The following MYO10 variants were observed in gnomAD, a reference collection of about 807,000 sequenced individuals.
The protein encoded by MYO10 is unconventional myosin-X.
MYO10 carries 133 observed loss-of-function variants against 257.3 expected under a neutral mutation model. That is an observed-to-expected ratio of 0.52 (90% CI 0.45 to 0.60). MYO10 has a LOEUF of 0.60. MYO10 is among the 20% of genes least tolerant of loss of function. The pLI is 0.00. For missense variants in MYO10, 2,399 were observed against 2,635.7 expected (o/e 0.91, Z 1.97); for synonymous variants, 1,104 against 1,028.6 (o/e 1.07, Z -1.40).
At chr5:16,673,479 G>A (rs1736568524) in intron 36 of MYO10, among the ~76,000 whole-genome samples, 1 of 152,086 alleles carries the variant, frequency 6.6e-6, no homozygotes, top group Non-Finnish European at 1.5e-5. Context: ...CTTTATCTCT[G>A]TGTTTCCACT....
At chr5:16,711,055 G>GC (rs746698595) in intron 20 of MYO10, 33 bp from the exon 21 acceptor site, 4 of 1,613,098 alleles carry the variant, frequency 2.5e-6, no homozygotes, top group Non-Finnish European at 2.5e-6. Context: ...GTCACCTTCT[G>GC]CGATGGTTCC....
chr5:16,900,744 G>GTTT (rs374195788), intron 1 of MYO10, among the ~76,000 whole-genome samples: 2 of 132,748 alleles, frequency 1.5e-5, no homozygotes, highest in Non-Finnish European at 1.6e-5. Context: ...CCTAAATCTT[G>GTTT]TTTTTTTTTT....
intron 26 of MYO10, among the ~76,000 whole-genome samples, chr5:16,697,166 C>G (rs1305141616): frequency 6.6e-6 from 1 of 152,014 alleles, no homozygotes; most frequent in Non-Finnish European, 1.5e-5. Flanking sequence ...GTTTCATGAG[C>G]ACTGTGGGGC....
intron 26 of MYO10, among the ~76,000 whole-genome samples, chr5:16,695,507 G>A (rs1394277583): frequency 1.3e-5 from 2 of 150,998 alleles, no homozygotes; most frequent in Non-Finnish European, 2.9e-5. Flanking sequence ...ATGGTTTACA[G>A]GTATAAGACT....
intron 28 of MYO10, among the ~76,000 whole-genome samples, chr5:16,688,012 G>C (rs1162614582): frequency 6.6e-6 from 1 of 152,168 alleles, no homozygotes; most frequent in Non-Finnish European, 1.5e-5. Flanking sequence ...CCACTGGTCA[G>C]GAGAAAAAGT....
intron 2 of MYO10, among the ~76,000 whole-genome samples, chr5:16,834,824 T>C (rs1000531312): frequency 2.0e-5 from 3 of 152,228 alleles, no homozygotes; most frequent in Admixed American, 6.5e-5. Flanking sequence ...CTTTAAACAT[T>C]ATGTGTTTTC....
At chr5:16,688,678 T>C (rs932806627) in intron 28 of MYO10, among the ~76,000 whole-genome samples, 3 of 149,466 alleles carry the variant, frequency 2.0e-5, no homozygotes, top group Non-Finnish European at 4.4e-5. Context: ...AGGTGGAGGC[T>C]GCGGTGAGCC....
intron 2 of MYO10, among the ~76,000 whole-genome samples, chr5:16,843,773 T>G (rs975942789): frequency 6.6e-6 from 1 of 152,250 alleles, no homozygotes; most frequent in South Asian, 2.1e-4. Flanking sequence ...AAAATTTTTT[T>G]GAAGGAATGG....
chr5:16,768,306 G>A (rs1468031419), intron 10 of MYO10, among the ~76,000 whole-genome samples: 1 of 152,164 alleles, frequency 6.6e-6, no homozygotes, highest in Non-Finnish European at 1.5e-5. Context: ...CTGTACAGGT[G>A]AGAAGTCATG....
At chr5:16,930,713 C>A (rs2126808308) in intron 1 of MYO10, among the ~76,000 whole-genome samples, 1 of 152,286 alleles carries the variant, frequency 6.6e-6, no homozygotes, top group Non-Finnish European at 1.5e-5. Context: ...GATAACCATG[C>A]AAACTAGGAA....
rs1580026395 is a variant in MYO10 at position 16,818,053 on chromosome 5, T to G, written c.235A>C (p.Ile79Leu). The G allele has an allele frequency of 1.2e-6, 2 of 1,607,062 alleles. No individual in the cohort carries two copies. The highest frequency in any genetic ancestry group is 8.5e-7 in the Non-Finnish European group (1 of 1,176,040). Residue 79 changes from isoleucine (I) to leucine (L), a missense_variant, in exon 3 of 41, where the codon ATC (isoleucine) becomes CTC (leucine). Transcript: ENST00000513610. ...ASLTELHGGS[I>L]MYNLFQRYKR... ...TACCGCTGGAATAAGTTATACATGATGGAGCCGCCATGGAGCTCTGTCAAG... is the reference window on the plus strand; with the variant it reads ...TACCGCTGGAATAAGTTATACATGAGGGAGCCGCCATGGAGCTCTGTCAAG...
intron 2 of MYO10, among the ~76,000 whole-genome samples, chr5:16,859,442 G>A (rs2126744026): frequency 6.6e-6 from 1 of 152,168 alleles, no homozygotes; most frequent in East Asian, 1.9e-4. Context: ...CACATTGGGG[G>A]CTAGGATTTC....
chr5:16,909,780 C>T (rs1580140621), intron 1 of MYO10, among the ~76,000 whole-genome samples: 1 of 152,038 alleles, frequency 6.6e-6, no homozygotes, highest in Non-Finnish European at 1.5e-5. Flanking sequence ...TGTTCATGAT[C>T]GTGGGGGCAG....
intron 2 of MYO10, among the ~76,000 whole-genome samples, chr5:16,844,696 A>C (rs1743576738): frequency 6.6e-6 from 1 of 152,184 alleles, no homozygotes; most frequent in South Asian, 2.1e-4. Flanking sequence ...AAAGCTATGC[A>C]AAACCAACTA....
chr5:16,690,521 T>A (rs1737450609), intron 27 of MYO10, among the ~76,000 whole-genome samples: 1 of 152,102 alleles, frequency 6.6e-6, no homozygotes, highest in Non-Finnish European at 1.5e-5. Flanking sequence ...AGAGGCTCTC[T>A]CCCCTCACAC....
intron 9 of MYO10, among the ~76,000 whole-genome samples, chr5:16,777,088 T>C (rs943294126): frequency 3.9e-5 from 6 of 152,122 alleles, no homozygotes; most frequent in Non-Finnish European, 8.8e-5. Flanking sequence ...ATGGAAGGTT[T>C]GAGTAGTGAG....
At chr5:16,849,351 C>T (rs1429999636) in intron 2 of MYO10, among the ~76,000 whole-genome samples, 1 of 152,020 alleles carries the variant, frequency 6.6e-6, no homozygotes, top group East Asian at 1.9e-4. Flanking sequence ...TTCAAAGTGG[C>T]AAAGTCACAT....
Position 16,673,767 on chromosome 5 carries a change from T to A in MYO10, c.5087A>T (p.His1696Leu), listed in dbSNP as rs1447948334. ...PSRDEIEALI[H>L]RQEMTSTVYC... ...GACCGTGGATGTCATTTCCTGCCTGTGGATCAGAGCTTCTATTTCATCTCG... is the reference window on the plus strand; with the variant it reads ...GACCGTGGATGTCATTTCCTGCCTGAGGATCAGAGCTTCTATTTCATCTCG... The change falls in exon 36 of 41, where the codon CAC becomes CTC. Residue 1696 changes from histidine (H) to leucine (L), a missense_variant. By Grantham distance (99) the His-to-Leu change is moderately conservative (BLOSUM62 -3). This residue lies in a region of MYO10 where 1,820 missense variants were observed against 1,939.4 expected (regional missense o/e 0.94). Coordinates refer to ENST00000513610, the MANE Select transcript of MYO10 (RefSeq NM_012334.3). 1 of 1,613,998 alleles carries A rather than the reference T, an allele frequency of 6.2e-7. No homozygotes were observed. The highest frequency in any genetic ancestry group is 1.3e-5 in the African/African-American group (1 of 75,052).
chr5:16,772,247 C>T (rs1741075291), intron 9 of MYO10, among the ~76,000 whole-genome samples: 1 of 151,996 alleles, frequency 6.6e-6, no homozygotes, highest in Non-Finnish European at 1.5e-5. Context: ...ATTCTCCTGC[C>T]TCAGCCTCCC....
Sources: gnomAD v4.1 joint callset for allele counts (sites outside exome capture counted in the v4.1 genomes callset) on GRCh38, gnomAD v4.1.1 for gene constraint, gnomAD v4.1.1 regional missense constraint, MANE v1.5 for transcripts, NCBI Gene and HGNC (gene_info 2026-07-23, HGNC 2026-07-21) for gene names.